KCNN2: variants seen among roughly 807,000 people sequenced by gnomAD.
The protein encoded by KCNN2 is potassium calcium-activated channel subfamily N member 2, also known as small conductance calcium-activated potassium channel protein 2.
KCNN2 carries 24 observed loss-of-function variants against 55.5 expected under a neutral mutation model. The ratio of observed to expected loss-of-function variants is 0.43; its 90% CI spans 0.31 to 0.61. KCNN2 has a LOEUF of 0.61. Ranked by LOEUF, KCNN2 falls within the 20% of genes least tolerant of loss-of-function variation. KCNN2 has a pLI of 0.08. For missense variants in KCNN2, 754 were observed against 853.6 expected, an observed-to-expected ratio of 0.88 and a Z score of 1.45; for synonymous variants, 431 against 336.1, an observed-to-expected ratio of 1.28 and a Z score of -3.09.
At chr5:114,467,694 C>G (rs1045566215) in intron 4 of KCNN2, among the ~76,000 whole-genome samples, 2 of 151,910 alleles carry the variant, frequency 1.3e-5, no homozygotes, top group African/African-American at 2.4e-5. Flanking sequence ...ATAAGTGGAT[C>G]GCAAAAAAAT....
At chr5:114,240,059 C>T (rs541467716) in intron 2 of KCNN2, among the ~76,000 whole-genome samples, 126 of 152,126 alleles carry the variant, frequency 8.3e-4, no homozygotes, top group South Asian at 4.8e-3. Flanking sequence ...TGAAAACTGT[C>T]TACAGTATCC....
At chr5:114,259,810 C>A (rs961028103) in intron 2 of KCNN2, among the ~76,000 whole-genome samples, 1 of 152,084 alleles carries the variant, frequency 6.6e-6, no homozygotes, top group African/African-American at 2.4e-5. Context: ...TTTTGCTGTG[C>A]CCCAGCTTCT....
At chr5:114,175,122 T>A (rs1753109565) in intron 1 of KCNN2, among the ~76,000 whole-genome samples, 1 of 152,192 alleles carries the variant, frequency 6.6e-6, no homozygotes, top group Admixed American at 6.5e-5. Flanking sequence ...AAGCTGTGGT[T>A]TCAGAAATGT....
At chr5:114,254,504 C>T (rs1754942966) in intron 2 of KCNN2, among the ~76,000 whole-genome samples, 1 of 152,108 alleles carries the variant, frequency 6.6e-6, no homozygotes. Flanking sequence ...CTAATTTCTG[C>T]AGAAAGGTCT....
chr5:114,184,425 G>T lies in KCNN2; in HGVS notation c.-270-37055G>T, dbSNP rs181364956. ...AAAAAGATATGTAGAAAGAAAAATG[G>T]AGCTAAAAGATGTTGAGATTGCAAA... is the stretch of plus-strand genomic sequence containing the variant. On this transcript the variant is annotated intron_variant, in intron 1 of 10. Transcript: ENST00000512097. Among the ~76,000 whole-genome samples, 417 of 152,202 alleles carry T rather than the reference G, an allele frequency of 2.7e-3. 2 individuals are homozygous for T. Among genetic ancestry groups the T allele is most frequent in the South Asian group, 0.012 (57 of 4,820 alleles).
At position 114,134,976 on chromosome 5, in the gene KCNN2, C is replaced by T. The variant is rs368096708; in HGVS notation, c.-271+78476C>T. On this transcript the variant is annotated intron_variant, in intron 1 of 10. Coordinates refer to the KCNN2 transcript ENST00000512097. ...ATGTATCCAGCATACATATGTAATA[C>T]ATACCTCCCAAATTACTTTCTAAAA... 1.3e-3 allele frequency among the ~76,000 whole-genome samples: 200 copies of T among 152,278 alleles called. 2 individuals are homozygous for T. Among genetic ancestry groups the T allele is most frequent in the Middle Eastern group, 6.8e-3 (2 of 294 alleles).
intron 2 of KCNN2, among the ~76,000 whole-genome samples, chr5:114,345,628 G>C (rs1022083658): frequency 6.6e-6 from 1 of 152,190 alleles, no homozygotes; most frequent in Non-Finnish European, 1.5e-5. Context: ...CATTAATTAT[G>C]ATGTGTGTTA....
intron 3 of KCNN2, among the ~76,000 whole-genome samples, chr5:114,457,100 A>C (rs1386471883): frequency 3.9e-5 from 6 of 152,314 alleles, no homozygotes; most frequent in Middle Eastern, 6.8e-3. Context: ...ATAGCATCAT[A>C]TGCTATAGAT....
chr5:114,108,735 G>C (rs13161970), intron 1 of KCNN2, among the ~76,000 whole-genome samples: 25,440 of 151,996 alleles, frequency 0.17, 2,219 homozygotes, highest in Middle Eastern at 0.22. Flanking sequence ...ATATGCCATT[G>C]AGTGAATAGG....
intron 1 of KCNN2, among the ~76,000 whole-genome samples, chr5:114,193,128 G>T (rs115305913): frequency 0.015 from 2,349 of 152,150 alleles, 24 homozygotes; most frequent in Non-Finnish European, 0.02. Flanking sequence ...TGCATATCTT[G>T]TCTTTATCTA....
chr5:114,330,549 C>T (rs1460917754), intron 2 of KCNN2, among the ~76,000 whole-genome samples: 4 of 152,160 alleles, frequency 2.6e-5, no homozygotes, highest in African/African-American at 9.7e-5. Context: ...TTTCCTGCCA[C>T]CTTTAAACAC....
At chr5:114,068,802 C>CTTTCTT (rs371167139) in intron 1 of KCNN2, among the ~76,000 whole-genome samples, 47 of 151,942 alleles carry the variant, frequency 3.1e-4, no homozygotes, top group Non-Finnish European at 5.6e-4. Context: ...CTCTCTTTTC[C>CTTTCTT]TTTCTTTTTC....
intron 1 of KCNN2, among the ~76,000 whole-genome samples, chr5:114,123,607 C>A (rs1001544530): frequency 1.6e-5 from 1 of 64,370 alleles, no homozygotes; most frequent in Admixed American, 1.3e-4. Flanking sequence ...TCGTGATCCG[C>A]CCGCCTCGGC....
At position 114,415,295 on chromosome 5, in the gene KCNN2, C is replaced by G. The variant is rs1301741330; in HGVS notation, c.1637+10439C>G. Among the ~76,000 whole-genome samples, 6 of 152,296 alleles carry G rather than the reference C, an allele frequency of 3.9e-5. No individual in the cohort carries two copies. In the East Asian group the frequency reaches 1.2e-3, roughly 29 times the overall value. Reference sequence around the variant, plus strand: ...GCTTTGAACTTGTGCACACAATTCTCTGGATGAACTTGTTTTTCTCCTCTT... The same window carrying G: ...GCTTTGAACTTGTGCACACAATTCTGTGGATGAACTTGTTTTTCTCCTCTT... On this transcript the variant is annotated intron_variant, in intron 3 of 7. Transcript: ENST00000673685.
chr5:114,144,329 CCTGA>C (rs1218367434), intron 1 of KCNN2, among the ~76,000 whole-genome samples: 1 of 152,084 alleles, frequency 6.6e-6, no homozygotes, highest in Non-Finnish European at 1.5e-5. Context: ...TTGATCAATA[CCTGA>C]CTGAGAATTC....
intron 2 of KCNN2, among the ~76,000 whole-genome samples, chr5:114,272,239 G>GTGTACATATCATATACACACATATATGTA (rs1755352755): frequency 7.8e-5 from 9 of 114,674 alleles, no homozygotes; most frequent in South Asian, 3.0e-4. Flanking sequence ...GTATATATGT[G>GTGTACATATCATATACACACATATATGTA]TGTACATATC....
At position 114,454,433 on chromosome 5, in the gene KCNN2, A is replaced by G. The variant is rs112679974; in HGVS notation, c.1638-8616A>G. Among the ~76,000 whole-genome samples the G allele has an allele frequency of 3.9e-5, 6 of 152,284 alleles. 1 individual carries two copies. Among genetic ancestry groups the G allele is most frequent in the African/African-American group, 1.4e-4 (6 of 41,568 alleles). Reference sequence around the variant, plus strand: ...GGTAAGGGTTTACTGTTTGATGACAATCACTGTGGGGTGATAGTTGAGTTT... The same window carrying G: ...GGTAAGGGTTTACTGTTTGATGACAGTCACTGTGGGGTGATAGTTGAGTTT... On this transcript the variant is annotated intron_variant, in intron 3 of 7. Coordinates refer to ENST00000673685, the MANE Select transcript of KCNN2 (RefSeq NM_021614.4).
intron 2 of KCNN2, among the ~76,000 whole-genome samples, chr5:114,388,023 C>T (rs962529939): frequency 2.0e-5 from 3 of 152,194 alleles, no homozygotes; most frequent in African/African-American, 7.2e-5. Context: ...CTTATGTGTT[C>T]ACTAAATAGA....
chr5:114,422,257 T>C (rs1300424349), intron 3 of KCNN2, among the ~76,000 whole-genome samples: 1 of 152,120 alleles, frequency 6.6e-6, no homozygotes, highest in East Asian at 1.9e-4. Context: ...ATTTCCAGTG[T>C]GATAATATTT....
Sources: allele counts gnomAD v4.1 joint callset (sites outside exome capture counted in the v4.1 genomes callset), GRCh38; gene constraint gnomAD v4.1.1; transcripts MANE v1.5; gene names NCBI Gene and HGNC (gene_info 2026-07-23, HGNC 2026-07-21).